The following TMEM164 variants were observed in gnomAD, a reference collection of about 807,000 sequenced individuals.
TMEM164 encodes the protein RP13-360B22.2.
Under a neutral mutation model 18.8 loss-of-function variants are expected in TMEM164, and 4 were observed. The ratio of observed to expected loss-of-function variants is 0.21; its 90% CI spans 0.10 to 0.49. The LOEUF is 0.49. TMEM164 is among the 20% of genes least tolerant of loss of function. TMEM164 has a pLI of 0.98. For synonymous variants in TMEM164, 86 were observed against 101.7 expected (o/e 0.85, Z 0.93); for missense variants, 108 against 239.9 (o/e 0.45, Z 3.63).
At chrX:110,026,630 A>G (rs1424655843) in intron 2 of TMEM164, among the ~76,000 whole-genome samples, 1 of 111,667 alleles carries the variant, frequency 9.0e-6, no homozygotes, top group Non-Finnish European at 1.9e-5. Context: ...TAAGTGCCTT[A>G]TGCGCATGAA....
chrX:110,067,568 G>C (rs1323386744), intron 3 of TMEM164, among the ~76,000 whole-genome samples, 172 bp downstream of exon 3: 1 of 112,380 alleles, frequency 8.9e-6, no homozygotes, highest in Non-Finnish European at 1.9e-5. Context: ...AATATTGTTT[G>C]TGAAGACCTG....
chrX:110,009,254 TTTA>T, intron 2 of TMEM164, among the ~76,000 whole-genome samples: 1 of 112,089 alleles, frequency 8.9e-6, no homozygotes, highest in South Asian at 3.7e-4. Flanking sequence ...GAGACTTGTT[TTTA>T]GTTTCCTCCC....
chrX:110,036,387 T>C (rs1934800580), intron 2 of TMEM164, among the ~76,000 whole-genome samples: 2 of 112,525 alleles, frequency 1.8e-5, no homozygotes, highest in Non-Finnish European at 3.8e-5. Flanking sequence ...TGTACCTCTC[T>C]TGTGGTATTT....
chrX:110,112,031 G>T (rs2147983075), intron 4 of TMEM164, among the ~76,000 whole-genome samples: 1 of 110,633 alleles, frequency 9.0e-6, no homozygotes, highest in Non-Finnish European at 1.9e-5. Context: ...AACACAGTGA[G>T]AACTCATTTC....
intron 2 of TMEM164, among the ~76,000 whole-genome samples, chrX:110,057,113 C>T (rs763911680): frequency 3.2e-4 from 36 of 111,078 alleles, no homozygotes; most frequent in Non-Finnish European, 6.0e-4. Context: ...CCATGCTGTA[C>T]ATTAGATATC....
intron 2 of TMEM164, among the ~76,000 whole-genome samples, chrX:110,028,912 CCTTTA>C (rs1322718456): frequency 2.7e-5 from 3 of 111,674 alleles, no homozygotes; most frequent in Non-Finnish European, 5.6e-5. Flanking sequence ...GTACTGTTAA[CCTTTA>C]CTTTATATAT....
intron 4 of TMEM164, among the ~76,000 whole-genome samples, chrX:110,120,884 G>C (rs2066440051): frequency 9.0e-6 from 1 of 111,689 alleles, no homozygotes; most frequent in African/African-American, 3.3e-5. Flanking sequence ...AGCACTCCAG[G>C]CAATTCCAAT....
chrX:110,038,931 T>C (rs1569303523), intron 2 of TMEM164, among the ~76,000 whole-genome samples: 1 of 111,581 alleles, frequency 9.0e-6, no homozygotes, highest in Non-Finnish European at 1.9e-5. Flanking sequence ...CAATTATATT[T>C]GGTTTCTCTT....
chrX:110,162,959 A>G (rs2067112004), intron 5 of TMEM164, among the ~76,000 whole-genome samples: 1 of 111,999 alleles, frequency 8.9e-6, no homozygotes, highest in African/African-American at 3.2e-5. Flanking sequence ...CCTTCTGATC[A>G]TTTCTCAAAT....
At chrX:110,083,401 A>T (rs1051419774) in intron 3 of TMEM164, among the ~76,000 whole-genome samples, 1 of 111,225 alleles carries the variant, frequency 9.0e-6, no homozygotes, top group African/African-American at 3.3e-5. Flanking sequence ...AGCTTGTATT[A>T]TTCATTGATC....
chrX:110,055,961 G>A (rs936306805), intron 2 of TMEM164, among the ~76,000 whole-genome samples: 2 of 111,028 alleles, frequency 1.8e-5, no homozygotes, highest in Non-Finnish European at 3.8e-5. Flanking sequence ...TAAGGAATTT[G>A]GACTTTTATT....
chrX:110,121,766 A>C (rs2066453291), intron 4 of TMEM164, among the ~76,000 whole-genome samples: 1 of 112,032 alleles, frequency 8.9e-6, no homozygotes, highest in African/African-American at 3.3e-5. Context: ...CTGCCAGACT[A>C]TTTTCCAAAG....
intron 2 of TMEM164, among the ~76,000 whole-genome samples, chrX:110,050,695 C>T (rs1935517269): frequency 8.9e-6 from 1 of 111,976 alleles, no homozygotes; most frequent in African/African-American, 3.3e-5. Context: ...GTTTCATTGT[C>T]ATCCTGCTTT....
chrX:110,091,891 T>G (rs746166708), intron 3 of TMEM164, among the ~76,000 whole-genome samples: 22 of 112,202 alleles, frequency 2.0e-4, no homozygotes, highest in African/African-American at 6.8e-4. Context: ...TTGCATAAGG[T>G]GTAAGGAAGG....
At chrX:110,124,208 C>A (rs2066497300) in intron 4 of TMEM164, among the ~76,000 whole-genome samples, 1 of 109,036 alleles carries the variant, frequency 9.2e-6, no homozygotes, top group African/African-American at 3.3e-5. Flanking sequence ...GGCAGGCAGG[C>A]AGGAAGGCAG....
chrX:110,161,152 G>A (rs185657809), intron 5 of TMEM164, among the ~76,000 whole-genome samples: 1 of 112,386 alleles, frequency 8.9e-6, no homozygotes, highest in African/African-American at 3.2e-5. Context: ...GGAGGATGAG[G>A]ATTGGACCTC....
intron 5 of TMEM164, among the ~76,000 whole-genome samples, chrX:110,152,646 A>C (rs1420258512): frequency 9.0e-6 from 1 of 111,169 alleles, no homozygotes; most frequent in Non-Finnish European, 1.9e-5. Context: ...TGTGGAGAAG[A>C]TCATATTGGC....
At chrX:110,080,632 T>G (rs2065739261) in intron 3 of TMEM164, among the ~76,000 whole-genome samples, 1 of 112,441 alleles carries the variant, frequency 8.9e-6, no homozygotes, top group Admixed American at 9.5e-5. Context: ...TAAATATAGT[T>G]ATACCTTATA....
At chrX:110,133,873 G>A (rs1441662126) in intron 4 of TMEM164, among the ~76,000 whole-genome samples, 1 of 112,078 alleles carries the variant, frequency 8.9e-6, no homozygotes, top group Non-Finnish European at 1.9e-5. Context: ...TTCTTAAGAT[G>A]ATAGGCAGCA....
Sources: allele counts gnomAD v4.1 joint callset (sites outside exome capture counted in the v4.1 genomes callset), GRCh38; gene constraint gnomAD v4.1.1; transcripts MANE v1.5; gene names NCBI Gene and HGNC (gene_info 2026-07-23, HGNC 2026-07-21).